The following MED12L variants were observed in gnomAD, a reference collection of about 807,000 sequenced individuals.
The protein encoded by MED12L is mediator complex subunit 12L, also known as mediator of RNA polymerase II transcription subunit 12-like protein.
Under a neutral mutation model 281.3 loss-of-function variants are expected in MED12L, and 60 were observed. The ratio of observed to expected loss-of-function variants is 0.21; its 90% CI spans 0.17 to 0.26. The LOEUF (loss-of-function observed/expected upper bound fraction) is 0.26, where lower values mean the gene tolerates loss of function less well. Among genes scored for constraint, MED12L ranks in the 10% least tolerant of loss-of-function variants. The probability of loss-of-function intolerance (pLI) is 1.00; values close to 1 mark genes in which losing one functional copy is unlikely to be tolerated. For missense variants in MED12L, 2,146 were observed against 2,680.9 expected, an observed-to-expected ratio of 0.80 and a Z score of 4.41; for synonymous variants, 974 against 987.2, an observed-to-expected ratio of 0.99 and a Z score of 0.25.
intron 16 of MED12L, among the ~76,000 whole-genome samples, chr3:151,311,318 A>G (rs1460747596): frequency 6.6e-6 from 1 of 151,650 alleles, no homozygotes; most frequent in African/African-American, 2.4e-5. Context: ...ATATATATAT[A>G]AACTGTGTGT....
At chr3:151,307,702 G>A (rs542722796) in intron 16 of MED12L, among the ~76,000 whole-genome samples, 3 of 152,010 alleles carry the variant, frequency 2.0e-5, no homozygotes, top group Admixed American at 2.0e-4. Flanking sequence ...TTTGACAAGT[G>A]AGGGAACTGA....
intron 16 of MED12L, among the ~76,000 whole-genome samples, chr3:151,304,174 A>G (rs891153242): frequency 2.0e-5 from 3 of 152,200 alleles, no homozygotes; most frequent in African/African-American, 7.2e-5. Context: ...AACTCTTTCA[A>G]AAAAAGAACA....
intron 39 of MED12L, among the ~76,000 whole-genome samples, chr3:151,407,021 G>A (rs967990060): frequency 1.8e-4 from 27 of 152,138 alleles, no homozygotes; most frequent in African/African-American, 5.5e-4. Flanking sequence ...GGCTGGTCTC[G>A]AACTGCTGGG....
At chr3:151,154,789 T>C (rs1719046027) in intron 5 of MED12L, among the ~76,000 whole-genome samples, 1 of 152,226 alleles carries the variant, frequency 6.6e-6, no homozygotes, top group South Asian at 2.1e-4. Flanking sequence ...TGTTAGTCCA[T>C]AACAGGACAG....
chr3:151,317,436 C>CTTTTT (rs1164820615), intron 16 of MED12L, among the ~76,000 whole-genome samples: 2,036 of 58,710 alleles, frequency 0.035, 655 homozygotes, highest in East Asian at 0.064. Flanking sequence ...AATCATATCA[C>CTTTTT]TTTTTTTTTT....
chr3:151,392,079 T>C (rs1714305084), intron 38 of MED12L, among the ~76,000 whole-genome samples: 3 of 152,344 alleles, frequency 2.0e-5, no homozygotes, highest in South Asian at 4.1e-4. Flanking sequence ...GAAAGCTAAC[T>C]ACTTTGTAAA....
chr3:151,214,521 T>C (rs1278428029), intron 16 of MED12L, among the ~76,000 whole-genome samples: 1 of 152,136 alleles, frequency 6.6e-6, no homozygotes, highest in East Asian at 1.9e-4. Flanking sequence ...TTCTTTCTTT[T>C]GGTCTTCCTT....
intron 16 of MED12L, among the ~76,000 whole-genome samples, chr3:151,238,405 C>T (rs1733375607): frequency 6.6e-6 from 1 of 152,196 alleles, no homozygotes; most frequent in Admixed American, 6.5e-5. Flanking sequence ...CCTCAGCCTC[C>T]CAAAGTGCTG....
intron 38 of MED12L, among the ~76,000 whole-genome samples, chr3:151,394,239 C>T (rs183421066): frequency 6.6e-6 from 1 of 152,240 alleles, no homozygotes; most frequent in East Asian, 1.9e-4. Context: ...ACATGAGCTT[C>T]AGATTTGATG....
At chr3:151,390,978 A>C (rs1309859185) in intron 38 of MED12L, among the ~76,000 whole-genome samples, 1 of 152,154 alleles carries the variant, frequency 6.6e-6, no homozygotes, top group East Asian at 1.9e-4. Flanking sequence ...ATCTTGGCCA[A>C]ATCTTAATTT....
At position 151,299,582 on chromosome 3, in the gene MED12L, G is replaced by A. The variant is rs554215063; in HGVS notation, c.2251-50477G>A. 1.4e-4 allele frequency among the ~76,000 whole-genome samples: 21 copies of A among 151,304 alleles called. No homozygotes were observed. In the South Asian group the frequency reaches 3.8e-3, roughly 27 times the overall value. ...CAACCTCTGTCTGCTGGGTTCAAGC[G>A]ATTCCAGTGCCTCGGCCTCCTGAGT... On this transcript the variant is annotated intron_variant, in intron 16 of 44. Coordinates refer to ENST00000687756, the MANE Select transcript of MED12L (RefSeq NM_001393769.1).
chr3:151,259,785 T>C (rs1243672935), intron 16 of MED12L, among the ~76,000 whole-genome samples: 2 of 152,252 alleles, frequency 1.3e-5, no homozygotes, highest in Non-Finnish European at 2.9e-5. Flanking sequence ...AACAAAAGTT[T>C]AGAGTCCTGG....
chr3:151,154,053 G>C (rs1008713058), intron 5 of MED12L, among the ~76,000 whole-genome samples: 9 of 152,128 alleles, frequency 5.9e-5, no homozygotes, highest in African/African-American at 2.2e-4. Context: ...TCATTGGTCC[G>C]GTTTCATTAC....
At chr3:151,156,396 T>G (rs1719290020) in intron 6 of MED12L, 66 bp downstream of exon 6, 1 of 1,462,110 alleles carries the variant, frequency 6.8e-7, no homozygotes, top group Admixed American at 2.4e-5. Context: ...TTCCTTATAG[T>G]TTGGTGTTCT....
intron 16 of MED12L, among the ~76,000 whole-genome samples, chr3:151,195,540 T>C (rs2149117927): frequency 6.6e-6 from 1 of 152,330 alleles, no homozygotes; most frequent in African/African-American, 2.4e-5. Flanking sequence ...TTTTCTACTG[T>C]TACCTATAGA....
chr3:151,392,668 C>T (rs1714426488), intron 38 of MED12L, among the ~76,000 whole-genome samples: 1 of 152,016 alleles, frequency 6.6e-6, no homozygotes, highest in Non-Finnish European at 1.5e-5. Context: ...CATACAAAAA[C>T]ATATGTATCT....
chr3:151,220,817 A>G (rs1028914208), intron 16 of MED12L, among the ~76,000 whole-genome samples: 5 of 152,226 alleles, frequency 3.3e-5, no homozygotes, highest in African/African-American at 1.2e-4. Flanking sequence ...GGACTAATAC[A>G]GTAAATTGGT....
chr3:151,099,271 C>T (rs1256831395), intron 2 of MED12L, among the ~76,000 whole-genome samples: 1 of 152,212 alleles, frequency 6.6e-6, no homozygotes, highest in Non-Finnish European at 1.5e-5. Flanking sequence ...ACACTTTTAG[C>T]TTAAGCCAGT....
At chr3:151,121,119 G>A (rs2148766732) in intron 3 of MED12L, among the ~76,000 whole-genome samples, 1 of 152,294 alleles carries the variant, frequency 6.6e-6, no homozygotes, top group South Asian at 2.1e-4. Flanking sequence ...AGCTGTAGGT[G>A]TTTTGTGCTC....
Sources: allele counts gnomAD v4.1 joint callset (sites outside exome capture counted in the v4.1 genomes callset), GRCh38; gene constraint gnomAD v4.1.1; transcripts MANE v1.5; gene names NCBI Gene and HGNC (gene_info 2026-07-23, HGNC 2026-07-21).